Variants in TRRAP observed in about 807,000 individuals in gnomAD.
TRRAP encodes the protein transformation/transcription domain-associated protein.
In TRRAP, 41 loss-of-function variants were observed where a neutral mutation model predicts 438.8. The observed-to-expected ratio is 0.09, with a 90% CI of 0.07 to 0.12. The LOEUF (loss-of-function observed/expected upper bound fraction) is 0.12. TRRAP is among the 10% of genes least tolerant of loss of function. The pLI, the probability that TRRAP is intolerant of heterozygous loss-of-function variation, is 1.00. For synonymous variants in TRRAP, 1,994 were observed against 1,962.9 expected, an observed-to-expected ratio of 1.02 and a Z score of -0.42; for missense variants, 3,122 against 5,055.1, an observed-to-expected ratio of 0.62 and a Z score of 11.60.
At chr7:98,932,124 T>G (rs1399297136) in intron 26 of TRRAP, among the ~76,000 whole-genome samples, 2 of 151,816 alleles carry the variant, frequency 1.3e-5, no homozygotes. Flanking sequence ...TTTATTTAAT[T>G]ATTTATTTTG....
chr7:98,985,974 C>A (rs989740188), intron 62 of TRRAP, among the ~76,000 whole-genome samples: 1 of 152,162 alleles, frequency 6.6e-6, no homozygotes, highest in African/African-American at 2.4e-5. Context: ...CTCTTGACAA[C>A]TACTAATGTA....
intron 67 of TRRAP, among the ~76,000 whole-genome samples, chr7:98,995,940 A>G (rs1793635806): frequency 7.4e-6 from 1 of 135,758 alleles, no homozygotes; most frequent in African/African-American, 3.0e-5. Flanking sequence ...TCCCGTCCTC[A>G]CACTCCCGTC....
chr7:98,913,140 G>A (rs1032718231), intron 18 of TRRAP, among the ~76,000 whole-genome samples: 2 of 122,798 alleles, frequency 1.6e-5, no homozygotes, highest in Admixed American at 7.3e-5. Context: ...CACTAATCCC[G>A]TGTGCCTTGT....
Position 98,990,639 on chromosome 7 carries a change from C to G in TRRAP, c.9756+20C>G. 6.3e-7 allele frequency: 1 copy of G among 1,596,040 alleles called. No individual in the cohort carries two copies. Among genetic ancestry groups the G allele is most frequent in the Non-Finnish European group, 8.6e-7 (1 of 1,166,446 alleles). ...AGCCAGGTGGGAAGAGCAGGGTGGC[C>G]TTGTTCACGTGCACAAAACATTGTG... On this transcript the variant is annotated intron_variant, in intron 64 of 72. Transcript: ENST00000456197.
At chr7:98,893,759 T>G (rs1229007246) in intron 5 of TRRAP, 39 bp from the exon 6 acceptor site, 5 of 1,575,138 alleles carry the variant, frequency 3.2e-6, no homozygotes, top group Non-Finnish European at 4.4e-6. Flanking sequence ...TTAAAGTGAG[T>G]CTTCAGAAGT....
intron 67 of TRRAP, among the ~76,000 whole-genome samples, chr7:99,002,008 T>C (rs1450352668): frequency 2.0e-5 from 3 of 152,114 alleles, no homozygotes; most frequent in African/African-American, 7.2e-5. Context: ...GAAATCATGC[T>C]GAGTGCAAAA....
chr7:99,002,789 A>G (rs1251289309), intron 67 of TRRAP, among the ~76,000 whole-genome samples: 3 of 152,122 alleles, frequency 2.0e-5, no homozygotes, highest in Non-Finnish European at 4.4e-5. Flanking sequence ...GTGGACAGCC[A>G]AGTTCAGACA....
Position 98,957,892 on chromosome 7 carries a change from G to T in TRRAP, c.6232-89G>T, listed in dbSNP as rs1473389035. On this transcript the variant is annotated intron_variant, in intron 43 of 72. Transcript: ENST00000456197. Reference sequence around the variant, plus strand: ...GCTGCCTCTGTCCCCGGGAGGTACCGCATACCCATTAGCTGGGTGAAAAGT... The same window carrying T: ...GCTGCCTCTGTCCCCGGGAGGTACCTCATACCCATTAGCTGGGTGAAAAGT... 5 of 1,083,582 alleles carry T rather than the reference G, an allele frequency of 4.6e-6. No individual in the cohort carries two copies. In the African/African-American group the frequency reaches 6.2e-5, roughly 13 times the overall value. The allele number at this position is 1,083,582 out of a possible 1,614,324, so 67.1% of individuals were successfully genotyped here.
In TRRAP at chr7:98,881,078, T is replaced by C. The variant is rs1795406053; in HGVS notation, c.-61-12T>C. On this transcript the variant is annotated splice_polypyrimidine_tract_variant and intron_variant, in intron 1 of 72. Transcript: ENST00000456197. ...CTCCATAAATTGACTAACTCTATGC[T>C]TCTTTTCATAGGCTGGTTGAACTCA... 4 of 1,339,688 alleles carry C rather than the reference T, an allele frequency of 3.0e-6. No homozygotes were observed. Among genetic ancestry groups the C allele is most frequent in the Non-Finnish European group, 4.1e-6 (4 of 970,834 alleles). 83.0% of individuals were successfully genotyped at this position (1,339,688 alleles called of 1,614,324 possible).
In TRRAP at chr7:98,950,915, T is replaced by C; in HGVS notation, c.5374T>C (p.Phe1792Leu). ...HILNPAFLYS[F>L]EKGEGEQLLG... ...CTTGAATCCTGCTTTCTTGTACAGC[T>C]TTGAGAAGGGGGAAGGAGAGCAGCT... The change falls in exon 39 of 73, where the codon TTT becomes CTT. Residue 1792 changes from phenylalanine (F) to leucine (L), a missense_variant. Transcript: ENST00000456197. 6.2e-7 allele frequency: 1 copy of C among 1,601,756 alleles called. No homozygotes were observed. Among genetic ancestry groups the C allele is most frequent in the Non-Finnish European group, 8.5e-7 (1 of 1,175,968 alleles).
chr7:98,923,639 G>A (rs1351205069), intron 21 of TRRAP, among the ~76,000 whole-genome samples: 7 of 152,286 alleles, frequency 4.6e-5, no homozygotes, highest in African/African-American at 9.6e-5. Flanking sequence ...ATGCAGTTCC[G>A]CAATACCCTC....
At chr7:98,916,167 T>G (rs563388947) in intron 19 of TRRAP, among the ~76,000 whole-genome samples, 6 of 152,094 alleles carry the variant, frequency 3.9e-5, no homozygotes, top group Non-Finnish European at 5.9e-5. Flanking sequence ...TGGTTGCATT[T>G]TTATAGTGTT....
intron 67 of TRRAP, chr7:98,999,437 T>C (rs1793819656): frequency 1.1e-6 from 1 of 946,332 alleles, no homozygotes; most frequent in Admixed American, 1.8e-5. Context: ...AATCTAGCTC[T>C]GATGGGAGGG....
intron 28 of TRRAP, among the ~76,000 whole-genome samples, chr7:98,935,913 T>C (rs1790532337): frequency 1.3e-5 from 2 of 152,252 alleles, no homozygotes; most frequent in South Asian, 4.1e-4. Flanking sequence ...AGTCTGTTGT[T>C]GTTTTATGAA....
At chr7:98,997,005 CA>C (rs1003365281) in intron 67 of TRRAP, among the ~76,000 whole-genome samples, 1 of 151,640 alleles carries the variant, frequency 6.6e-6, no homozygotes, top group Non-Finnish European at 1.5e-5. Context: ...TGACAAAGTA[CA>C]AAAAAAGAGT....
At chr7:98,906,523 C>T (rs1179796124) in intron 13 of TRRAP, among the ~76,000 whole-genome samples, 1 of 152,036 alleles carries the variant, frequency 6.6e-6, no homozygotes, top group African/African-American at 2.4e-5. Flanking sequence ...ACTCTGCCTC[C>T]TGGGTTCAAG....
intron 12 of TRRAP, among the ~76,000 whole-genome samples, chr7:98,905,092 C>G (rs1166487854): frequency 6.6e-6 from 1 of 152,156 alleles, no homozygotes. Context: ...TATCACTCCT[C>G]CCTCTGCTGG....
At chr7:98,989,695 T>C (rs1033580985) in intron 63 of TRRAP, among the ~76,000 whole-genome samples, 1 of 152,224 alleles carries the variant, frequency 6.6e-6, no homozygotes, top group African/African-American at 2.4e-5. Context: ...TCCGGGTTGC[T>C]TACACCCAGA....
intron 3 of TRRAP, among the ~76,000 whole-genome samples, chr7:98,888,116 G>T (rs1217901046): frequency 6.6e-6 from 1 of 152,058 alleles, no homozygotes; most frequent in Non-Finnish European, 1.5e-5. Flanking sequence ...TGTAGTCCCA[G>T]CTACTTGGGA....
Sources: allele counts gnomAD v4.1 joint callset (sites outside exome capture counted in the v4.1 genomes callset), GRCh38; gene constraint gnomAD v4.1.1; transcripts MANE v1.5; gene names NCBI Gene and HGNC (gene_info 2026-07-23, HGNC 2026-07-21).